Variants in YAP1 observed in about 807,000 individuals in gnomAD.
YAP1 encodes the protein Yes1 associated transcriptional regulator.
A neutral mutation model predicts 56.9 loss-of-function variants in YAP1; 5 were observed. The ratio of observed to expected loss-of-function variants is 0.09; its 90% CI spans 0.05 to 0.18. The LOEUF (loss-of-function observed/expected upper bound fraction) is 0.18. Ranked by LOEUF, YAP1 falls within the 10% of genes least tolerant of loss-of-function variation. The pLI is 1.00. For synonymous variants in YAP1, 265 were observed against 248.1 expected (o/e 1.07, Z -0.64); for missense variants, 539 against 651.8 (o/e 0.83, Z 1.88).
chr11:102,182,150 A>G (rs900874282), intron 3 of YAP1, among the ~76,000 whole-genome samples: 1 of 152,136 alleles, frequency 6.6e-6, no homozygotes, highest in Non-Finnish European at 1.5e-5. Flanking sequence ...GTGGTTCCTT[A>G]GACCGGCATC....
chr11:102,195,568 G>A (rs1948530527), intron 4 of YAP1, among the ~76,000 whole-genome samples: 1 of 152,024 alleles, frequency 6.6e-6, no homozygotes, highest in Non-Finnish European at 1.5e-5. Context: ...TTGAATCATG[G>A]GGGCAATTTC....
chr11:102,111,296 G>A, intron 1 of YAP1, 127 bp downstream of exon 1: 1 of 1,112,400 alleles, frequency 9.0e-7, no homozygotes, highest in Non-Finnish European at 1.2e-6. Flanking sequence ...TGGGGTGGGG[G>A]TCCCGAGGCG....
intron 3 of YAP1, among the ~76,000 whole-genome samples, chr11:102,162,893 G>A (rs1946377790): frequency 6.6e-6 from 1 of 151,802 alleles, no homozygotes; most frequent in Admixed American, 6.6e-5. Flanking sequence ...TGTGTCTCAG[G>A]TATTTGAGTT....
chr11:102,158,035 A>G (rs895638199), intron 2 of YAP1, among the ~76,000 whole-genome samples: 3 of 152,214 alleles, frequency 2.0e-5, no homozygotes, highest in Non-Finnish European at 4.4e-5. Context: ...GCCATCTGAC[A>G]TCACGAAATC....
intron 2 of YAP1, among the ~76,000 whole-genome samples, chr11:102,127,326 G>A (rs922622841): frequency 1.3e-5 from 2 of 152,156 alleles, no homozygotes; most frequent in African/African-American, 4.8e-5. Context: ...CTGGGCCCAG[G>A]GTCCCTGTGC....
chr11:102,220,192 T>G (rs1949854716), intron 6 of YAP1, among the ~76,000 whole-genome samples: 1 of 151,978 alleles, frequency 6.6e-6, no homozygotes, highest in Admixed American at 6.5e-5. Flanking sequence ...AGACCTTGTC[T>G]CTACAAAAAA....
chr11:102,206,637 G>C (rs1488493469), intron 5 of YAP1, among the ~76,000 whole-genome samples: 1 of 152,168 alleles, frequency 6.6e-6, no homozygotes, highest in Non-Finnish European at 1.5e-5. Flanking sequence ...CTTGAGGCCA[G>C]TTCAAGACAA....
At chr11:102,138,803 A>G (rs1398339395) in intron 2 of YAP1, among the ~76,000 whole-genome samples, 1 of 152,232 alleles carries the variant, frequency 6.6e-6, no homozygotes, top group East Asian at 1.9e-4. Context: ...GTATGTGGGT[A>G]TCTATATACA....
intron 1 of YAP1, among the ~76,000 whole-genome samples, 183 bp from the exon 2 acceptor site, chr11:102,113,960 TA>T (rs1297754356): frequency 6.6e-6 from 1 of 152,010 alleles, no homozygotes; most frequent in African/African-American, 2.4e-5. Context: ...AAATTTATAT[TA>T]AAATTATATA....
intron 3 of YAP1, among the ~76,000 whole-genome samples, chr11:102,185,527 GAAAT>G (rs565823751): frequency 8.7e-4 from 133 of 152,200 alleles, no homozygotes; most frequent in African/African-American, 3.1e-3. Flanking sequence ...ATAAAACATG[GAAAT>G]AAATAGAGCT....
intron 2 of YAP1, among the ~76,000 whole-genome samples, chr11:102,144,661 TC>T (rs1465973487): frequency 6.6e-6 from 1 of 152,214 alleles, no homozygotes; most frequent in Non-Finnish European, 1.5e-5. Flanking sequence ...GCATCTCATT[TC>T]TGCAAGAATT....
At position 102,215,594 on chromosome 11, in the gene YAP1, A is replaced by C. The variant is rs181421455; in HGVS notation, c.1032+6030A>C. Reference sequence around the variant, plus strand: ...GGTTCCAAGAGCTTCTCCTGCCTCAACCTCCCAAGTAGTTGGGATTAGAGG... The same window carrying C: ...GGTTCCAAGAGCTTCTCCTGCCTCACCCTCCCAAGTAGTTGGGATTAGAGG... On this transcript the variant is annotated intron_variant, in intron 6 of 8. Coordinates refer to ENST00000282441, the MANE Select transcript of YAP1 (RefSeq NM_001130145.3). Among the ~76,000 whole-genome samples, 59 of 152,156 alleles carry C rather than the reference A, an allele frequency of 3.9e-4. 3 individuals are homozygous for C. The East Asian group carries it at 7.0e-3, about 18-fold the overall frequency.
Position 102,111,007 on chromosome 11 carries a change from G to A in YAP1, c.159G>A (p.Gln53=), listed in dbSNP as rs1942863531. The A allele has an allele frequency of 5.0e-6, 8 of 1,592,016 alleles. No individual in the cohort carries two copies. The highest frequency in any genetic ancestry group is 6.8e-6 in the Non-Finnish European group (8 of 1,170,804). ...CGCAGGCACCCCCCGCCGGGCATCA[G>A]ATCGTGCACGTCCGCGGGGACTCGG... The part of the protein sequence containing the change: ...AAPQAPPAGH[Q]IVHVRGDSET... The change falls in exon 1 of 9, where the codon CAG becomes CAA. Residue 53 remains glutamine (Q), a synonymous_variant. Transcript: ENST00000282441.
At chr11:102,205,842 T>C (rs1255449956) in intron 4 of YAP1, 51 bp from the exon 5 acceptor site, 1 of 1,440,140 alleles carries the variant, frequency 6.9e-7, no homozygotes, top group Non-Finnish European at 9.2e-7. Flanking sequence ...CATCATTTTA[T>C]CTTCCTTCAC....
intron 2 of YAP1, among the ~76,000 whole-genome samples, chr11:102,159,312 C>T (rs7941936): frequency 5.3e-4 from 80 of 152,300 alleles, no homozygotes; most frequent in African/African-American, 1.8e-3. Context: ...GGAGGGTCTC[C>T]GTTCACATGT....
At position 102,114,248 on chromosome 11, in the gene YAP1, G is replaced by A; in HGVS notation, c.426G>A (p.Leu142=). The A allele has an allele frequency of 6.2e-7, 1 of 1,614,134 alleles. No homozygotes were observed. The highest frequency in any genetic ancestry group is 8.5e-7 in the Non-Finnish European group (1 of 1,180,004). Reference sequence around the variant, plus strand: ...TGGGAGCTGTTTCTCCTGGGACACTGACCCCCACTGGAGTAGTCTCTGGCC... The same window carrying A: ...TGGGAGCTGTTTCTCCTGGGACACTAACCCCCACTGGAGTAGTCTCTGGCC... ...LQLGAVSPGT[L]TPTGVVSGPA... The change falls in exon 2 of 9, where the codon CTG becomes CTA. Residue 142 remains leucine, a synonymous_variant. Coordinates refer to ENST00000282441, the MANE Select transcript of YAP1 (RefSeq NM_001130145.3).
chr11:102,150,769 A>G (rs1011246259), intron 2 of YAP1, among the ~76,000 whole-genome samples: 2 of 147,950 alleles, frequency 1.4e-5, no homozygotes, highest in African/African-American at 4.9e-5. Flanking sequence ...TACACATGCA[A>G]ATCTTTTTTC....
intron 2 of YAP1, among the ~76,000 whole-genome samples, chr11:102,123,838 A>G (rs559773091): frequency 4.7e-4 from 71 of 151,700 alleles, no homozygotes; most frequent in Non-Finnish European, 8.7e-4. Context: ...ACGGAGTTTC[A>G]CCGTGGTCTC....
intron 3 of YAP1, among the ~76,000 whole-genome samples, chr11:102,176,681 G>C (rs192486333): frequency 1.4e-4 from 21 of 146,064 alleles, no homozygotes; most frequent in Non-Finnish European, 2.8e-4. Context: ...AGGAGGCGGA[G>C]GTTGCAGTGA....
Sources: allele counts gnomAD v4.1 joint callset (sites outside exome capture counted in the v4.1 genomes callset), GRCh38; gene constraint gnomAD v4.1.1; transcripts MANE v1.5; gene names NCBI Gene and HGNC (gene_info 2026-07-23, HGNC 2026-07-21).